Variants in PLEKHG1 observed in about 807,000 individuals in gnomAD.
The protein encoded by PLEKHG1 is pleckstrin homology domain-containing family G member 1.
PLEKHG1 carries 44 observed loss-of-function variants against 100.8 expected under a neutral mutation model. The observed-to-expected ratio is 0.44, with a 90% CI of 0.34 to 0.56. PLEKHG1 has a LOEUF of 0.56. Among genes scored for constraint, PLEKHG1 ranks in the 20% least tolerant of loss-of-function variants. The pLI is 0.01. For synonymous variants in PLEKHG1, 640 were observed against 662.5 expected (o/e 0.97, Z 0.52); for missense variants, 1,545 against 1,720.9 (o/e 0.90, Z 1.81).
intron 5 of PLEKHG1, 41 bp downstream of exon 6, chr6:150,795,943 T>C (rs766644967): frequency 3.1e-6 from 4 of 1,290,190 alleles, no homozygotes; most frequent in Admixed American, 3.4e-5. Flanking sequence ...TTGTTCACTT[T>C]CACATTGTTT....
rs1776274359 is a variant in PLEKHG1 at position 150,600,151 on chromosome 6, C to T, written c.-204+134C>T. 2 of 156,512 alleles carry T rather than the reference C, an allele frequency of 1.3e-5. No homozygotes were observed. Among genetic ancestry groups the T allele is most frequent in the African/African-American group, 4.8e-5 (2 of 41,442 alleles). 9.7% of individuals were successfully genotyped at this position (156,512 alleles called of 1,614,324 possible). A position where few individuals can be genotyped will look rare whatever the true frequency, so the allele number is the denominator to read the frequency against. ...CGTGGTACCCGGGCCCCGCCGGCCCCCTGCGCGCCCCTCCGCAGTGGGGAC... is the reference window on the plus strand; with the variant it reads ...CGTGGTACCCGGGCCCCGCCGGCCCTCTGCGCGCCCCTCCGCAGTGGGGAC... On this transcript the variant is annotated intron_variant, in intron 1 of 3. Coordinates refer to the PLEKHG1 transcript ENST00000367326. This position sits in a 1 kb window ranked among gnomAD's most constrained non-coding sequence, Gnocchi z 6.2.
exon 15 of PLEKHG1, chr6:150,832,194 G>A: frequency 6.3e-7 from 1 of 1,593,582 alleles, no homozygotes; most frequent in Non-Finnish European, 8.5e-7. Flanking sequence ...AAGCAAGGAG[G>A]GCCCGCCATT....
intron 10 of PLEKHG1, 110 bp from the exon 12 acceptor site, chr6:150,818,073 A>T (rs1490624437): frequency 1.2e-6 from 1 of 866,680 alleles, no homozygotes. Context: ...GCGAGTTTTT[A>T]AACGTTTTTA....
At chr6:150,757,976 C>T (rs532536449) in intron 2 of PLEKHG1, among the ~76,000 whole-genome samples, 1 of 152,248 alleles carries the variant, frequency 6.6e-6, no homozygotes, top group Admixed American at 6.5e-5. Context: ...AGTTAGGTTG[C>T]TGAGGATAAC....
exon 15 of PLEKHG1, chr6:150,830,850 G>A (rs777184734): frequency 1.2e-6 from 2 of 1,614,080 alleles, no homozygotes; most frequent in Admixed American, 1.7e-5. Flanking sequence ...TGTGAAGATA[G>A]CACTTCTAGT....
At chr6:150,603,798 G>A (rs1437508012) in intron 1 of PLEKHG1, among the ~76,000 whole-genome samples, 1 of 152,156 alleles carries the variant, frequency 6.6e-6, no homozygotes, top group Non-Finnish European at 1.5e-5. Flanking sequence ...GCTAAATCCT[G>A]CTGGATTCGT....
intron 3 of PLEKHG1, among the ~76,000 whole-genome samples, chr6:150,690,362 G>C (rs555500683): frequency 6.6e-6 from 1 of 151,962 alleles, no homozygotes; most frequent in African/African-American, 2.4e-5. Context: ...CATCGTTACT[G>C]TTTCTCGGTG....
chr6:150,631,581 G>A (rs1777750914), intron 1 of PLEKHG1, among the ~76,000 whole-genome samples: 1 of 152,222 alleles, frequency 6.6e-6, no homozygotes, highest in Non-Finnish European at 1.5e-5. Context: ...GAACAACACT[G>A]TGCAGTTCAG....
chr6:150,792,370 A>C (rs1177411304), intron 4 of PLEKHG1, among the ~76,000 whole-genome samples: 3 of 144,920 alleles, frequency 2.1e-5, no homozygotes, highest in Non-Finnish European at 3.0e-5. Flanking sequence ...AAAAAAAAAA[A>C]ACCAAAAAAA....
chr6:150,659,474 C>T (rs1321172936), intron 3 of PLEKHG1, among the ~76,000 whole-genome samples: 1 of 152,180 alleles, frequency 6.6e-6, no homozygotes, highest in African/African-American at 2.4e-5. Flanking sequence ...ATTTGCCAAC[C>T]TCACCTACAA....
intron 3 of PLEKHG1, among the ~76,000 whole-genome samples, chr6:150,677,375 A>G (rs57139556): frequency 0.12 from 17,983 of 151,878 alleles, 1,281 homozygotes; most frequent in African/African-American, 0.2. Context: ...AGGCACCATG[A>G]GTCTTTGCAC....
chr6:150,796,391 G>T (rs956298094), intron 5 of PLEKHG1, among the ~76,000 whole-genome samples: 1 of 152,126 alleles, frequency 6.6e-6, no homozygotes. Flanking sequence ...GAGAAGAGGG[G>T]CATCGTCATC....
intron 1 of PLEKHG1, among the ~76,000 whole-genome samples, chr6:150,731,152 G>A (rs1015893087): frequency 6.6e-6 from 1 of 152,172 alleles, no homozygotes; most frequent in Non-Finnish European, 1.5e-5. Flanking sequence ...TTTGCTGCAA[G>A]CATACCTAAA....
intron 6 of PLEKHG1, among the ~76,000 whole-genome samples, chr6:150,804,039 C>T (rs1786864562): frequency 6.7e-6 from 1 of 148,672 alleles, no homozygotes; most frequent in African/African-American, 2.5e-5. Flanking sequence ...ATCCTGGAAT[C>T]CTATTCCACT....
At chr6:150,759,295 A>G (rs1476332445) in intron 2 of PLEKHG1, among the ~76,000 whole-genome samples, 1 of 152,148 alleles carries the variant, frequency 6.6e-6, no homozygotes, top group Non-Finnish European at 1.5e-5. Context: ...TGTGAATGGG[A>G]CTGATCCTAA....
At chr6:150,733,734 C>T (rs765580952) in exon 2 of PLEKHG1, 13 of 1,614,178 alleles carry the variant, frequency 8.1e-6, no homozygotes, top group Middle Eastern at 1.6e-4. Context: ...ACATCATCCT[C>T]GGCCTCTTCC....
chr6:150,653,336 G>A (rs1778824140), intron 3 of PLEKHG1, among the ~76,000 whole-genome samples: 1 of 152,024 alleles, frequency 6.6e-6, no homozygotes, highest in Admixed American at 6.6e-5. Context: ...GGCTCACAAA[G>A]GCCAAATTGT....
intron 2 of PLEKHG1, among the ~76,000 whole-genome samples, chr6:150,756,806 C>G (rs1239980370): frequency 1.3e-5 from 2 of 152,114 alleles, no homozygotes; most frequent in Admixed American, 1.3e-4. Flanking sequence ...GCCTTGTTAT[C>G]CACCAAATGA....
Position 150,683,485 on chromosome 6 carries a change from C to T in PLEKHG1, c.-99+32699C>T, listed in dbSNP as rs77341812. 110 of 187,422 alleles carry T rather than the reference C, an allele frequency of 5.9e-4. 3 individuals carry two copies. The East Asian group carries it at 0.014, about 25-fold the overall frequency. 11.6% of individuals were successfully genotyped at this position (187,422 alleles called of 1,614,324 possible). On this transcript the variant is annotated intron_variant, in intron 3 of 3. Transcript: ENST00000367326. The surrounding 1 kb of genome is among the most constrained non-coding windows in gnomAD (Gnocchi z 4.0). ...AGGTGTGGTTCACCCGCAGCAGGTC[C>T]GGTGAAGGAAGCACGTGTGTGTGTG...
Sources: allele counts gnomAD v4.1 joint callset (sites outside exome capture counted in the v4.1 genomes callset), GRCh38; gene constraint gnomAD v4.1.1; non-coding constraint Gnocchi (gnomAD v3.1); transcripts MANE v1.5; gene names NCBI Gene and HGNC (gene_info 2026-07-23, HGNC 2026-07-21).